Variants in PAK1IP1 observed in about 807,000 individuals in gnomAD.
The protein encoded by PAK1IP1 is p21-activated protein kinase-interacting protein 1.
A neutral mutation model predicts 42.0 loss-of-function variants in PAK1IP1; 24 were observed. That is an observed-to-expected ratio of 0.57 (90% CI 0.41 to 0.80). PAK1IP1 has a LOEUF of 0.80. Ranked by LOEUF, PAK1IP1 falls within the 30% of genes least tolerant of loss-of-function variation. The pLI is 0.00. For synonymous variants in PAK1IP1, 154 were observed against 156.7 expected (o/e 0.98, Z 0.13); for missense variants, 411 against 467.9 (o/e 0.88, Z 1.12).
upstream of PAK1IP1, among the ~76,000 whole-genome samples, chr6:10,691,657 C>T (rs923066492): frequency 6.6e-6 from 1 of 151,980 alleles, no homozygotes; most frequent in Admixed American, 6.6e-5. Context: ...GGTCTCCCTC[C>T]CTTAAAATCC....
chr6:10,699,186 G>A (rs2127479129), intron 2 of PAK1IP1, among the ~76,000 whole-genome samples: 1 of 136,746 alleles, frequency 7.3e-6, no homozygotes, highest in East Asian at 2.1e-4. Flanking sequence ...AGGCGACAGA[G>A]CGAGACTCTG....
At chr6:10,691,539 A>T (rs1486168100), upstream of PAK1IP1, among the ~76,000 whole-genome samples, 1 of 152,094 alleles carries the variant, frequency 6.6e-6, no homozygotes, top group Non-Finnish European at 1.5e-5. Flanking sequence ...GATCTTTACC[A>T]GGCCCAGAGT....
At chr6:10,709,139 G>A in intron 9 of PAK1IP1, 63 bp downstream of exon 9, 1 of 1,523,398 alleles carries the variant, frequency 6.6e-7, no homozygotes, top group Non-Finnish European at 9.0e-7. Context: ...TGTAGAAGTG[G>A]AGGAGATCCA....
upstream of PAK1IP1, chr6:10,694,603 ACC>A: frequency 1.7e-5 from 3 of 179,126 alleles, no homozygotes; most frequent in South Asian, 2.0e-4. Context: ...CCCCTAAGCA[ACC>A]GGCCGGAAGT....
chr6:10,703,705 G>A (rs1311985197), intron 5 of PAK1IP1, among the ~76,000 whole-genome samples: 1 of 152,214 alleles, frequency 6.6e-6, no homozygotes. Flanking sequence ...TGAAACATGA[G>A]TTGCATGGGT....
rs58965088 is a variant in PAK1IP1 at position 10,702,762 on chromosome 6, C to T, written c.443+123C>T. 1,273 of 698,204 alleles carry T rather than the reference C, an allele frequency of 1.8e-3. 11 individuals are homozygous for T. The African/African-American group carries it at 0.02, about 11-fold the overall frequency. 43.3% of individuals were successfully genotyped at this position (698,204 alleles called of 1,614,324 possible). On this transcript the variant is annotated intron_variant, in intron 4 of 9. Coordinates refer to ENST00000379568, the MANE Select transcript of PAK1IP1 (RefSeq NM_017906.3). The stretch of plus-strand genomic sequence containing the variant: ...GCTGGTGAACCTTTTCATAGTGGTT[C>T]ATAGTGGTAGAATGAAAATGACAAG...
At position 10,707,499 on chromosome 6, in the gene PAK1IP1, G is replaced by GC; in HGVS notation, c.826dup (p.Leu276ProfsTer2). On this transcript the variant is annotated frameshift_variant, in exon 8 of 10. Coordinates refer to ENST00000379568, the MANE Select transcript of PAK1IP1 (RefSeq NM_017906.3). LOFTEE classifies it high-confidence loss of function. ...GTGATGGTTTCATCAAAATGTGGAA[G>GC]CTTAAGCAGGATAAGGTCAGTGCTT... 6.3e-7 allele frequency: 1 copy of GC among 1,598,342 alleles called. No homozygotes were observed. Among genetic ancestry groups the GC allele is most frequent in the Admixed American group, 1.7e-5 (1 of 60,014 alleles).
At chr6:10,698,093 C>T (rs918896062) in intron 2 of PAK1IP1, among the ~76,000 whole-genome samples, 3 of 152,072 alleles carry the variant, frequency 2.0e-5, no homozygotes, top group Non-Finnish European at 4.4e-5. Context: ...CAGGCAGAGC[C>T]GGCAGTGTGA....
intron 8 of PAK1IP1, among the ~76,000 whole-genome samples, chr6:10,707,912 A>G (rs1770254848): frequency 6.6e-6 from 1 of 152,076 alleles, no homozygotes; most frequent in Non-Finnish European, 1.5e-5. Context: ...TAGTCTCCTT[A>G]CAGTCTCTCT....
At chr6:10,695,191 C>T (rs1769766856) in intron 1 of PAK1IP1, 122 bp downstream of exon 1, 1 of 648,124 alleles carries the variant, frequency 1.5e-6, no homozygotes, top group Non-Finnish European at 2.7e-6. Context: ...ATGAATCAAA[C>T]CTAAGAGACT....
At chr6:10,705,750 C>G (rs574152975) in intron 7 of PAK1IP1, among the ~76,000 whole-genome samples, 5 of 152,138 alleles carry the variant, frequency 3.3e-5, no homozygotes, top group African/African-American at 1.2e-4. Context: ...AAAAGGTGAT[C>G]TAATATACAG....
intron 7 of PAK1IP1, 69 bp from the exon 8 acceptor site, chr6:10,707,346 G>A (rs1296298958): frequency 1.1e-6 from 1 of 902,796 alleles, no homozygotes; most frequent in Non-Finnish European, 1.8e-6. Flanking sequence ...GTCTTTGTGT[G>A]TAATTTTATA....
At chr6:10,708,041 CTTTTTTT>C (rs34074813) in intron 8 of PAK1IP1, among the ~76,000 whole-genome samples, 4 of 92,298 alleles carry the variant, frequency 4.3e-5, no homozygotes, top group African/African-American at 1.1e-4. Flanking sequence ...TTAGAATTTT[CTTTTTTT>C]TTTTTTTTTT....
chr6:10,694,663 G>A (rs980884771), upstream of PAK1IP1: 2 of 263,692 alleles, frequency 7.6e-6, no homozygotes, highest in Admixed American at 5.0e-5. Context: ...CTTCGCAGAG[G>A]ATGTCCCGCC....
chr6:10,693,662 C>T (rs1047011890), upstream of PAK1IP1, among the ~76,000 whole-genome samples: 2 of 152,226 alleles, frequency 1.3e-5, no homozygotes, highest in Non-Finnish European at 2.9e-5. Flanking sequence ...CCAAGATTTA[C>T]TCTGTTGGGA....
upstream of PAK1IP1, among the ~76,000 whole-genome samples, chr6:10,693,283 C>T (rs112857760): frequency 5.8e-3 from 877 of 152,330 alleles, 8 homozygotes; most frequent in African/African-American, 0.02. Flanking sequence ...CTCTCACCAT[C>T]GTTCCATCTG....
intron 1 of PAK1IP1, among the ~76,000 whole-genome samples, 162 bp from the exon 2 acceptor site, chr6:10,697,162 T>G (rs1220873042): frequency 6.6e-6 from 1 of 152,188 alleles, no homozygotes; most frequent in Non-Finnish European, 1.5e-5. Context: ...AACATATCAT[T>G]TTTCCATTTA....
chr6:10,691,178 A>G (rs997460369), upstream of PAK1IP1, among the ~76,000 whole-genome samples: 1 of 152,204 alleles, frequency 6.6e-6, no homozygotes, highest in Non-Finnish European at 1.5e-5. Flanking sequence ...GTACGCTTAC[A>G]CTAATCTTTT....
In PAK1IP1 at chr6:10,695,139, A is replaced by C. The variant is rs531567144; in HGVS notation, c.84+70A>C. The C allele has an allele frequency of 6.1e-5, 57 of 929,314 alleles. No individual in the cohort carries two copies. The African/African-American group carries it at 8.1e-4, about 13-fold the overall frequency. The allele number at this position is 929,314 out of a possible 1,614,324, so 57.6% of individuals were successfully genotyped here. A position where few individuals can be genotyped will look rare whatever the true frequency, so the allele number is the denominator to read the frequency against. ...AGGTCGGGTTTGGTTCCTACACAGC[A>C]GAGGTGAACATTGGAGCGCCTGCTG... On this transcript the variant is annotated intron_variant, in intron 1 of 9. Coordinates refer to ENST00000379568, the MANE Select transcript of PAK1IP1 (RefSeq NM_017906.3).
Sources: allele counts gnomAD v4.1 joint callset (sites outside exome capture counted in the v4.1 genomes callset), GRCh38; gene constraint gnomAD v4.1.1; transcripts MANE v1.5; gene names NCBI Gene and HGNC (gene_info 2026-07-23, HGNC 2026-07-21).